Variants in TSHR observed in about 807,000 individuals in gnomAD.
The protein encoded by TSHR is thyrotropin receptor.
A neutral mutation model predicts 64.1 loss-of-function variants in TSHR; 51 were observed. That is an observed-to-expected ratio of 0.80 (90% CI 0.64 to 1.01). The LOEUF (loss-of-function observed/expected upper bound fraction) is 1.01, where lower values mean the gene tolerates loss of function less well. TSHR is among the 50% of genes least tolerant of loss of function. The probability of loss-of-function intolerance (pLI) is 0.00; values close to 1 mark genes in which losing one functional copy is unlikely to be tolerated. For synonymous variants in TSHR, 361 were observed against 361.9 expected, an observed-to-expected ratio of 1.00 and a Z score of 0.03; for missense variants, 877 against 942.8, an observed-to-expected ratio of 0.93 and a Z score of 0.91.
chr14:81,011,890 T>A (rs992303520), intron 1 of TSHR, among the ~76,000 whole-genome samples: 12 of 152,044 alleles, frequency 7.9e-5, no homozygotes, highest in African/African-American at 2.7e-4. Flanking sequence ...AAATAAAAGC[T>A]TTTTCCTATC....
At chr14:81,101,078 C>T (rs968112249) in intron 7 of TSHR, among the ~76,000 whole-genome samples, 1 of 152,202 alleles carries the variant, frequency 6.6e-6, no homozygotes, top group African/African-American at 2.4e-5. Flanking sequence ...CCAGTCATCT[C>T]ATCAGCATAC....
intron 1 of TSHR, chr14:81,052,154 T>G (rs938455325): frequency 6.6e-6 from 1 of 152,190 alleles, no homozygotes; most frequent in African/African-American, 2.4e-5. Flanking sequence ...CTCCTAGTCT[T>G]CTCTTATGAG....
At chr14:81,085,860 GA>G (rs1566803429) in intron 3 of TSHR, among the ~76,000 whole-genome samples, 1 of 151,984 alleles carries the variant, frequency 6.6e-6, no homozygotes, top group Non-Finnish European at 1.5e-5. Context: ...TGGAAAGAGA[GA>G]ACCACCTCAA....
intron 4 of TSHR, among the ~76,000 whole-genome samples, chr14:81,088,781 T>C (rs1196177045): frequency 6.6e-6 from 1 of 152,178 alleles, no homozygotes; most frequent in Non-Finnish European, 1.5e-5. Flanking sequence ...TAAGCACTAT[T>C]AACATTTCAG....
intron 5 of TSHR, among the ~76,000 whole-genome samples, chr14:81,091,356 C>T (rs571844564): frequency 2.0e-5 from 3 of 152,326 alleles, no homozygotes; most frequent in African/African-American, 7.2e-5. Context: ...CTGCCAAGAA[C>T]AGTTCCAGTG....
rs543021239 is a variant in TSHR, at chr14:81,117,586, T to C, written c.692+9134T>C. ...TCCAGATGGATTCACAGCCGAATTC[T>C]ACCAGAGGTACAAGGAGGAAATGGT... On this transcript the variant is annotated intron_variant, in intron 8 of 9. Transcript: ENST00000298171. 2.1e-4 allele frequency among the ~76,000 whole-genome samples: 29 copies of C among 140,676 alleles called. 1 individual carries two copies. The highest frequency in any genetic ancestry group is 8.3e-4 in the African/African-American group (29 of 34,942). The allele number at this position is 140,676 out of a possible 152,430, so 92.3% of individuals were successfully genotyped here.
intron 3 of TSHR, among the ~76,000 whole-genome samples, chr14:81,077,181 C>T (rs977043123): frequency 1.2e-4 from 18 of 152,276 alleles, no homozygotes; most frequent in African/African-American, 4.3e-4. Flanking sequence ...TTAGAACTTA[C>T]TAAAATTTAG....
rs532000220 is a variant in TSHR, at chr14:80,985,431, T to A, written c.170+29581T>A. 3.3e-5 allele frequency among the ~76,000 whole-genome samples: 5 copies of A among 152,358 alleles called. 1 individual carries two copies. The South Asian group carries it at 1.0e-3, about 32-fold the overall frequency. On this transcript the variant is annotated intron_variant, in intron 1 of 9. Transcript: ENST00000298171. ...ATTTGTACCGGCTAACACGACAGAATAAATGTAATCGGAGAAATTTAGATC... is the reference window on the plus strand; with the variant it reads ...ATTTGTACCGGCTAACACGACAGAAAAAATGTAATCGGAGAAATTTAGATC...
chr14:81,016,566 G>C (rs1283709624), intron 1 of TSHR, among the ~76,000 whole-genome samples: 3 of 152,100 alleles, frequency 2.0e-5, no homozygotes, highest in Non-Finnish European at 4.4e-5. Context: ...CCTTGTCCAT[G>C]AGCTGCCTTT....
Position 81,143,250 on chromosome 14 carries a change from T to A in TSHR, c.1192T>A (p.Cys398Ser), listed in dbSNP as rs746088246. ...ATGTGGGGACAGTGAAGACATGGTG[T>A]GTACCCCCAAGTCCGATGAGTTCAA... ...TICGDSEDMV[C>S]TPKSDEFNPC... Residue 398 changes from cysteine (C) to serine (S), a missense_variant, in exon 10 of 10, where the codon TGT (cysteine) becomes AGT (serine). Cys to Ser is a moderately radical substitution (Grantham distance 112). Transcript: ENST00000298171. 14 of 1,614,090 alleles carry A rather than the reference T, an allele frequency of 8.7e-6. No individual in the cohort carries two copies. The highest frequency in any genetic ancestry group is 1.2e-5 in the Non-Finnish European group (14 of 1,180,054).
At chr14:81,099,699 G>A (rs1014864140) in intron 7 of TSHR, among the ~76,000 whole-genome samples, 2 of 152,160 alleles carry the variant, frequency 1.3e-5, no homozygotes, top group African/African-American at 2.4e-5. Flanking sequence ...TCTGGTCGGC[G>A]ATAACCTGAC....
At chr14:81,007,699 G>C (rs1889674798) in intron 1 of TSHR, among the ~76,000 whole-genome samples, 1 of 152,194 alleles carries the variant, frequency 6.6e-6, no homozygotes, top group Non-Finnish European at 1.5e-5. Context: ...AGAATGGGAA[G>C]TTTAGGACTT....
intron 3 of TSHR, among the ~76,000 whole-genome samples, chr14:81,070,071 T>C (rs571174827): frequency 5.9e-5 from 9 of 152,074 alleles, no homozygotes; most frequent in African/African-American, 1.9e-4. Context: ...CAGAAGACTA[T>C]AATCAGTCTG....
In TSHR at chr14:81,100,432, T is replaced by G. The variant is rs761273705; in HGVS notation, c.614+3725T>G. 1.3e-4 allele frequency among the ~76,000 whole-genome samples: 20 copies of G among 152,258 alleles called. No individual in the cohort carries two copies. The Middle Eastern group carries it at 0.014, about 104-fold the overall frequency. The stretch of plus-strand genomic sequence containing the variant: ...TTTTGACACCAAATGTTTGGAGGCT[T>G]TTCCCCCACACAACAAGTAATCAAT... On this transcript the variant is annotated intron_variant, in intron 7 of 9. Coordinates refer to ENST00000298171, the MANE Select transcript of TSHR (RefSeq NM_000369.5).
At chr14:80,959,114 C>A (rs971446113) in intron 1 of TSHR, among the ~76,000 whole-genome samples, 3 of 152,116 alleles carry the variant, frequency 2.0e-5, no homozygotes, top group Admixed American at 1.3e-4. Flanking sequence ...GAGAGAGTTA[C>A]GGACTGTGGC....
chr14:81,145,390 G>C lies in TSHR; in HGVS notation c.*1037G>C, dbSNP rs2140116317. 1 of 233,062 alleles carries C rather than the reference G, an allele frequency of 4.3e-6. No individual in the cohort carries two copies. The highest frequency in any genetic ancestry group is 2.2e-5 in the African/African-American group (1 of 45,414). The allele number at this position is 233,062 out of a possible 1,614,324, so 14.4% of individuals were successfully genotyped here. ...CTTGAAGCCTAGACACATGACCCAG[G>C]AAATTTTTCCTTTGTTTCACTTTTG... On this transcript the variant is annotated 3_prime_UTR_variant, in exon 10 of 10. Transcript: ENST00000298171.
intron 8 of TSHR, among the ~76,000 whole-genome samples, chr14:81,110,660 A>C (rs1275824519): frequency 1.3e-5 from 2 of 152,256 alleles, no homozygotes; most frequent in Non-Finnish European, 2.9e-5. Flanking sequence ...ATCACCTTGC[A>C]AAAACAACTG....
In TSHR at chr14:81,146,158, C is replaced by T. The variant is rs1388994218; in HGVS notation, c.*1805C>T. 1 of 226,236 alleles carries T rather than the reference C, an allele frequency of 4.4e-6. No homozygotes were observed. Among genetic ancestry groups the T allele is most frequent in the Non-Finnish European group, 8.8e-6 (1 of 113,768 alleles). 14.0% of individuals were successfully genotyped at this position (226,236 alleles called of 1,614,324 possible). On this transcript the variant is annotated 3_prime_UTR_variant, in exon 10 of 10. Transcript: ENST00000298171. Reference sequence around the variant, plus strand: ...TCTCCTGTGACATTTCAAAATATCACATCTTGATAAATAATGTGTTTCATC... The same window carrying T: ...TCTCCTGTGACATTTCAAAATATCATATCTTGATAAATAATGTGTTTCATC...
At chr14:81,071,983 T>A (rs548345147) in intron 3 of TSHR, among the ~76,000 whole-genome samples, 2 of 152,154 alleles carry the variant, frequency 1.3e-5, no homozygotes, top group African/African-American at 4.8e-5. Flanking sequence ...GGGAAACACA[T>A]AGGAAACACA....
Sources: gnomAD v4.1 joint callset for allele counts (sites outside exome capture counted in the v4.1 genomes callset) on GRCh38, gnomAD v4.1.1 for gene constraint, MANE v1.5 for transcripts, NCBI Gene and HGNC (gene_info 2026-07-23, HGNC 2026-07-21) for gene names.